The following LPP variants were observed in gnomAD, a reference collection of about 807,000 sequenced individuals.
LPP encodes LIM domain containing preferred translocation partner in lipoma.
In LPP, 38 loss-of-function variants were observed where a neutral mutation model predicts 60.4. The ratio of observed to expected loss-of-function variants is 0.63; its 90% CI spans 0.49 to 0.83. LPP has a LOEUF of 0.83. LPP is among the 40% of genes least tolerant of loss of function. The pLI, the probability that LPP is intolerant of heterozygous loss-of-function variation, is 0.00. For missense variants in LPP, 902 were observed against 783.6 expected, an observed-to-expected ratio of 1.15 and a Z score of -1.80; for synonymous variants, 328 against 290.8, an observed-to-expected ratio of 1.13 and a Z score of -1.30.
chr3:188,542,465 T>C (rs914216150), intron 6 of LPP, among the ~76,000 whole-genome samples: 3 of 152,200 alleles, frequency 2.0e-5, no homozygotes, highest in Non-Finnish European at 2.9e-5. Flanking sequence ...ACTTGCCTTG[T>C]GCACAGAATC....
rs1010674667 is a variant in LPP, at chr3:188,796,328, G to T, written c.1410+36046G>T. On this transcript the variant is annotated intron_variant, in intron 9 of 11. Coordinates refer to ENST00000617246, the MANE Select transcript of LPP (RefSeq NM_001375462.1). ...TCAGAGACTGAGGGAGAAGCATGAT[G>T]CAGGATGAGTTTTGAGAGATAAACC... 2.6e-5 allele frequency among the ~76,000 whole-genome samples: 4 copies of T among 152,212 alleles called. No homozygotes were observed. The South Asian group carries it at 8.3e-4, about 31-fold the overall frequency.
intron 5 of LPP, among the ~76,000 whole-genome samples, chr3:188,508,927 A>T (rs1814370001): frequency 6.6e-6 from 1 of 152,178 alleles, no homozygotes; most frequent in Non-Finnish European, 1.5e-5. Context: ...AATTGGGGTG[A>T]GGCCGATGGG....
intron 4 of LPP, among the ~76,000 whole-genome samples, chr3:188,456,395 A>G (rs2149391413): frequency 6.6e-6 from 1 of 152,350 alleles, no homozygotes; most frequent in African/African-American, 2.4e-5. Flanking sequence ...ATAATTAAGT[A>G]GATATGACTG....
rs575282736 is a variant in LPP at position 188,594,244 on chromosome 3, A to G, written c.430-14917A>G. Among the ~76,000 whole-genome samples, 7 of 152,272 alleles carry G rather than the reference A, an allele frequency of 4.6e-5. 1 individual carries two copies. In the South Asian group the frequency reaches 1.5e-3, roughly 32 times the overall value. On this transcript the variant is annotated intron_variant, in intron 6 of 11. Coordinates refer to ENST00000617246, the MANE Select transcript of LPP (RefSeq NM_001375462.1). ...TCAGCTGCCCATGTAAAGTATAAAG[A>G]ATTATTTTTACCCAGAATCTTGAAG...
intron 3 of LPP, among the ~76,000 whole-genome samples, chr3:188,350,119 T>C (rs1320336631): frequency 1.3e-5 from 2 of 152,190 alleles, no homozygotes; most frequent in African/African-American, 4.8e-5. Context: ...GTCCACGAAC[T>C]GTGGCTCTCA....
Position 188,523,894 on chromosome 3 carries a change from C to CTTTG in LPP, c.307-768_307-767insGTTT, listed in dbSNP as rs1819704593. Reference sequence around the variant, plus strand: ...GCCTCCAAATACTAGGGTCATCTCACTTTATAATCCAGACAGATTCTTTGC... The same window carrying CTTTG: ...GCCTCCAAATACTAGGGTCATCTCACTTTGTTTATAATCCAGACAGATTCTTTGC... On this transcript the variant is annotated intron_variant, in intron 5 of 11. Transcript: ENST00000617246. Among the ~76,000 whole-genome samples the CTTTG allele has an allele frequency of 1.7e-4, 5 of 28,708 alleles. No homozygotes were observed. In the South Asian group the frequency reaches 4.8e-3, roughly 28 times the overall value. 18.8% of individuals were successfully genotyped at this position (28,708 alleles called of 152,430 possible).
chr3:188,513,542 A>G (rs1472429845), intron 5 of LPP, among the ~76,000 whole-genome samples: 1 of 151,932 alleles, frequency 6.6e-6, no homozygotes, highest in African/African-American at 2.4e-5. Context: ...TTTATTGATG[A>G]ATAGATAATA....
chr3:188,284,832 A>G lies in LPP; in HGVS notation c.-66-56831A>G, dbSNP rs145367501. Among the ~76,000 whole-genome samples the G allele has an allele frequency of 2.6e-4, 39 of 152,110 alleles. No homozygotes were observed. In the Middle Eastern group the frequency reaches 0.01, roughly 40 times the overall value. On this transcript the variant is annotated intron_variant, in intron 2 of 11. Transcript: ENST00000617246. The stretch of plus-strand genomic sequence containing the variant: ...CCATTTCCTGCCCTCTCAGGCAGGT[A>G]GTGAGTAGGAGTTTTAGGTTTCACT...
intron 6 of LPP, among the ~76,000 whole-genome samples, chr3:188,563,066 A>G (rs1344395944): frequency 6.6e-6 from 1 of 151,978 alleles, no homozygotes; most frequent in Non-Finnish European, 1.5e-5. Flanking sequence ...TATTACACAC[A>G]CGGTTGAGTG....
At chr3:188,244,597 CA>C (rs1726198067) in intron 2 of LPP, among the ~76,000 whole-genome samples, 1 of 152,218 alleles carries the variant, frequency 6.6e-6, no homozygotes, top group Admixed American at 6.5e-5. Flanking sequence ...GGGACTTTCT[CA>C]CTGTGTGTGG....
At chr3:188,711,891 G>A (rs1238586652) in intron 8 of LPP, 6 of 152,224 alleles carry the variant, frequency 3.9e-5, no homozygotes, top group Non-Finnish European at 7.3e-5. Context: ...CTTTGAGTAA[G>A]TCTTTAAAAT....
intron 1 of LPP, among the ~76,000 whole-genome samples, chr3:188,189,699 G>A (rs568001566): frequency 9.2e-5 from 14 of 152,224 alleles, no homozygotes; most frequent in South Asian, 8.3e-4. Flanking sequence ...CAGTACCAGC[G>A]TCACCTGCTT....
At chr3:188,331,772 G>T (rs1246511411) in intron 2 of LPP, among the ~76,000 whole-genome samples, 1 of 152,150 alleles carries the variant, frequency 6.6e-6, no homozygotes, top group African/African-American at 2.4e-5. Flanking sequence ...ATGAGTAAAT[G>T]GTATGTGTAT....
chr3:188,192,004 G>T (rs1728315692), intron 1 of LPP, among the ~76,000 whole-genome samples: 2 of 152,124 alleles, frequency 1.3e-5, no homozygotes, highest in Admixed American at 6.5e-5. Context: ...TTGGGATGGT[G>T]TTAGGACAAC....
chr3:188,614,986 A>G (rs1440469160), intron 7 of LPP, among the ~76,000 whole-genome samples: 1 of 152,154 alleles, frequency 6.6e-6, no homozygotes, highest in Non-Finnish European at 1.5e-5. Flanking sequence ...AGTACTTAAT[A>G]TGGAGTTCAG....
At chr3:188,755,117 A>G (rs1221094741) in intron 8 of LPP, among the ~76,000 whole-genome samples, 1 of 152,226 alleles carries the variant, frequency 6.6e-6, no homozygotes, top group African/African-American at 2.4e-5. Flanking sequence ...CTGATATATC[A>G]TACAATTGGC....
intron 6 of LPP, among the ~76,000 whole-genome samples, chr3:188,606,526 T>G (rs1455217977): frequency 6.6e-6 from 1 of 152,186 alleles, no homozygotes; most frequent in Admixed American, 6.6e-5. Flanking sequence ...ACTTGTCATT[T>G]ACTTTTGTAA....
intron 3 of LPP, among the ~76,000 whole-genome samples, chr3:188,384,330 A>ATGTG (rs61561622): frequency 0.06 from 8,948 of 148,568 alleles, 705 homozygotes; most frequent in African/African-American, 0.19. Flanking sequence ...ATGTATGTGC[A>ATGTG]TGTGTGTGTG....
chr3:188,675,661 T>G (rs896232237), intron 7 of LPP, among the ~76,000 whole-genome samples: 3 of 152,212 alleles, frequency 2.0e-5, no homozygotes, highest in Non-Finnish European at 4.4e-5. Flanking sequence ...CCAAATGTCC[T>G]TCTGGAATTA....
Sources: gnomAD v4.1 joint callset for allele counts (sites outside exome capture counted in the v4.1 genomes callset) on GRCh38, gnomAD v4.1.1 for gene constraint, MANE v1.5 for transcripts, NCBI Gene and HGNC (gene_info 2026-07-23, HGNC 2026-07-21) for gene names.